Variants in SGCZ observed in about 807,000 individuals in gnomAD.
The protein encoded by SGCZ is sarcoglycan zeta.
In SGCZ, 40 loss-of-function variants were observed where a neutral mutation model predicts 41.3. The ratio of observed to expected loss-of-function variants is 0.97; its 90% CI spans 0.75 to 1.26. The LOEUF (loss-of-function observed/expected upper bound fraction) is 1.26. SGCZ is among the 50% of genes most tolerant of loss of function. The pLI is 0.00. For missense variants in SGCZ, 552 were observed against 369.8 expected, an observed-to-expected ratio of 1.49 and a Z score of -4.04; for synonymous variants, 206 against 137.5, an observed-to-expected ratio of 1.50 and a Z score of -3.49.
At chr8:14,729,658 A>ATCAG (rs1348792300) in intron 1 of SGCZ, among the ~76,000 whole-genome samples, 3 of 151,966 alleles carry the variant, frequency 2.0e-5, no homozygotes, top group Non-Finnish European at 4.4e-5. Context: ...CAATCAATCA[A>ATCAG]TCAATCAATC....
intron 1 of SGCZ, among the ~76,000 whole-genome samples, chr8:15,007,221 C>A (rs1802637026): frequency 6.6e-6 from 1 of 152,060 alleles, no homozygotes; most frequent in African/African-American, 2.4e-5. Flanking sequence ...TTGTAACCTC[C>A]AATACAAAAG....
At chr8:14,695,487 T>C (rs1326169292) in intron 1 of SGCZ, among the ~76,000 whole-genome samples, 2 of 152,110 alleles carry the variant, frequency 1.3e-5, no homozygotes, top group Non-Finnish European at 2.9e-5. Context: ...TATGGCAGGA[T>C]GGAGTAGGAT....
intron 1 of SGCZ, among the ~76,000 whole-genome samples, chr8:15,200,545 T>A (rs1447236703): frequency 6.6e-6 from 1 of 152,174 alleles, no homozygotes; most frequent in Non-Finnish European, 1.5e-5. Context: ...TGATATGACA[T>A]TCATGAGAAG....
At chr8:14,496,360 T>A (rs914386127) in intron 2 of SGCZ, among the ~76,000 whole-genome samples, 1 of 152,142 alleles carries the variant, frequency 6.6e-6, no homozygotes, top group Non-Finnish European at 1.5e-5. Flanking sequence ...TGAGTAAACA[T>A]GCCTGGCCTC....
intron 2 of SGCZ, among the ~76,000 whole-genome samples, chr8:14,430,325 C>T (rs928796671): frequency 6.6e-6 from 1 of 152,144 alleles, no homozygotes; most frequent in Non-Finnish European, 1.5e-5. Context: ...TATCCAACAA[C>T]ATATCAAAAA....
chr8:14,164,155 T>A (rs1443884288), intron 5 of SGCZ, among the ~76,000 whole-genome samples: 2 of 152,226 alleles, frequency 1.3e-5, no homozygotes, highest in Non-Finnish European at 2.9e-5. Flanking sequence ...GAAAGCCATA[T>A]AAAATTAATT....
chr8:14,599,153 C>T (rs1284197903), intron 1 of SGCZ, among the ~76,000 whole-genome samples: 1 of 152,134 alleles, frequency 6.6e-6, no homozygotes, highest in South Asian at 2.1e-4. Context: ...AGACATTCTT[C>T]CTTTGACCTC....
At chr8:14,294,106 A>T (rs1045396939) in intron 3 of SGCZ, among the ~76,000 whole-genome samples, 1 of 151,894 alleles carries the variant, frequency 6.6e-6, no homozygotes, top group Admixed American at 6.6e-5. Context: ...TACAACCACC[A>T]GACATTACGC....
At chr8:14,094,275 A>G (rs1801775979) in intron 7 of SGCZ, among the ~76,000 whole-genome samples, 1 of 151,980 alleles carries the variant, frequency 6.6e-6, no homozygotes, top group African/African-American at 2.4e-5. Flanking sequence ...ATTTGTCCTA[A>G]TGCTATCCCT....
chr8:14,788,057 A>T (rs895057293), intron 1 of SGCZ, among the ~76,000 whole-genome samples: 29 of 152,218 alleles, frequency 1.9e-4, no homozygotes, highest in African/African-American at 6.7e-4. Flanking sequence ...TTCTGGAAAA[A>T]GATGCATCAT....
At chr8:14,656,527 TTTC>T (rs1238405153) in intron 1 of SGCZ, among the ~76,000 whole-genome samples, 3 of 149,230 alleles carry the variant, frequency 2.0e-5, no homozygotes, top group South Asian at 2.2e-4. Flanking sequence ...TTTTCTTTTC[TTTC>T]TTTTTTCTTT....
chr8:14,276,634 G>A (rs1800243842), intron 3 of SGCZ, among the ~76,000 whole-genome samples: 1 of 152,190 alleles, frequency 6.6e-6, no homozygotes, highest in East Asian at 1.9e-4. Context: ...AAAAAATCCT[G>A]AACTATTTCC....
At chr8:14,695,649 A>G (rs529514121) in intron 1 of SGCZ, among the ~76,000 whole-genome samples, 1 of 152,094 alleles carries the variant, frequency 6.6e-6, no homozygotes, top group Non-Finnish European at 1.5e-5. Flanking sequence ...TGGAACTATA[A>G]AACCTACATT....
chr8:15,021,494 A>T (rs1280591452), intron 1 of SGCZ, among the ~76,000 whole-genome samples: 1 of 152,208 alleles, frequency 6.6e-6, no homozygotes, highest in Non-Finnish European at 1.5e-5. Context: ...CTTCCAACTT[A>T]TAAGTCAAAA....
At chr8:14,620,094 A>C (rs548242904) in intron 1 of SGCZ, among the ~76,000 whole-genome samples, 1 of 152,334 alleles carries the variant, frequency 6.6e-6, no homozygotes, top group South Asian at 2.1e-4. Flanking sequence ...AAACAGAGAT[A>C]TAGACCAATG....
At chr8:14,624,350 T>A (rs1339045511) in intron 1 of SGCZ, among the ~76,000 whole-genome samples, 1 of 152,000 alleles carries the variant, frequency 6.6e-6, no homozygotes, top group Non-Finnish European at 1.5e-5. Context: ...AACTTAGTTA[T>A]CATCAAATCA....
At chr8:14,673,340 A>G (rs1808165436) in intron 1 of SGCZ, among the ~76,000 whole-genome samples, 1 of 152,120 alleles carries the variant, frequency 6.6e-6, no homozygotes, top group African/African-American at 2.4e-5. Context: ...CCCCCATGCT[A>G]TTCTCATGAT....
intron 4 of SGCZ, among the ~76,000 whole-genome samples, chr8:14,230,996 TA>T (rs1173677615): frequency 2.0e-5 from 3 of 152,216 alleles, no homozygotes; most frequent in African/African-American, 7.2e-5. Context: ...GAAATTACTT[TA>T]AAAAATATAT....
chr8:14,176,198 C>T, intron 4 of SGCZ, among the ~76,000 whole-genome samples: 1 of 152,066 alleles, frequency 6.6e-6, no homozygotes, highest in East Asian at 1.9e-4. Context: ...TACACAGAAC[C>T]CTTAGTCCAA....
Sources: allele counts gnomAD v4.1 joint callset (sites outside exome capture counted in the v4.1 genomes callset), GRCh38; gene constraint gnomAD v4.1.1; transcripts MANE v1.5; gene names NCBI Gene and HGNC (gene_info 2026-07-23, HGNC 2026-07-21).